UBE2O: variants seen among roughly 807,000 people sequenced by gnomAD.
UBE2O encodes ubiquitin conjugating enzyme E2 O.
Under a neutral mutation model 125.8 loss-of-function variants are expected in UBE2O, and 15 were observed. That is an observed-to-expected ratio of 0.12 (90% CI 0.08 to 0.18). The LOEUF is 0.18. Ranked by LOEUF, UBE2O falls within the 10% of genes least tolerant of loss-of-function variation. UBE2O has a pLI of 1.00. For synonymous variants in UBE2O, 708 were observed against 703.2 expected (o/e 1.01, Z -0.11); for missense variants, 1,280 against 1,723.6 (o/e 0.74, Z 4.56).
intron 1 of UBE2O, among the ~76,000 whole-genome samples, chr17:76,406,549 A>G (rs1246169937): frequency 6.6e-6 from 1 of 151,890 alleles, no homozygotes; most frequent in Non-Finnish European, 1.5e-5. Flanking sequence ...GCTCAAGGTC[A>G]CTTAAATGCT....
intron 1 of UBE2O, chr17:76,430,567 C>T (rs1185257261): frequency 1.5e-5 from 4 of 262,542 alleles, no homozygotes; most frequent in South Asian, 3.8e-5. Context: ...ATCAGATCCT[C>T]GATGCAGATG....
At chr17:76,429,541 C>CAAAAAAAAAAAAA (rs61081315) in intron 1 of UBE2O, among the ~76,000 whole-genome samples, 2 of 71,808 alleles carry the variant, frequency 2.8e-5, no homozygotes, top group African/African-American at 5.7e-5. Context: ...GACTCTGTCT[C>CAAAAAAAAAAAAA]AAAAAAAAAA....
intron 15 of UBE2O, among the ~76,000 whole-genome samples, chr17:76,394,940 A>G (rs1474046325): frequency 6.6e-6 from 1 of 151,318 alleles, no homozygotes; most frequent in African/African-American, 2.4e-5. Flanking sequence ...CAATGGTGCG[A>G]TCTTGGCTCA....
rs74588673 is a variant in UBE2O at position 76,445,738 on chromosome 17, A to G, written c.417+6987T>C. On this transcript the variant is annotated intron_variant, in intron 1 of 17. Transcript: ENST00000319380. Reference sequence around the variant, plus strand: ...TAAATCCAGAGAGTTATCCAGTAACACAATTCAATTTTATTCTCAACTACA... The same window carrying G: ...TAAATCCAGAGAGTTATCCAGTAACGCAATTCAATTTTATTCTCAACTACA... 4.3e-4 allele frequency among the ~76,000 whole-genome samples: 66 copies of G among 152,348 alleles called. No homozygotes were observed. In the East Asian group the frequency reaches 6.5e-3, roughly 15 times the overall value.
Position 76,399,282 on chromosome 17 carries a change from C to A in UBE2O, c.1628+167G>T. Reference sequence around the variant, plus strand: ...GCACCACTCCTCAGTCTCTGCTTTCCACCAGGGCCTACCCCAGGCACCTAC... The same window carrying A: ...GCACCACTCCTCAGTCTCTGCTTTCAACCAGGGCCTACCCCAGGCACCTAC... On this transcript the variant is annotated intron_variant, in intron 9 of 17. Coordinates refer to ENST00000319380, the MANE Select transcript of UBE2O (RefSeq NM_022066.4). This position sits in a 1 kb window ranked among gnomAD's most constrained non-coding sequence, Gnocchi z 6.9. The A allele has an allele frequency of 1.3e-6, 1 of 783,964 alleles. No individual in the cohort carries two copies. The highest frequency in any genetic ancestry group is 2.0e-6 in the Non-Finnish European group (1 of 494,660). The allele number at this position is 783,964 out of a possible 1,614,324, so 48.6% of individuals were successfully genotyped here.
rs754265766 is a variant in UBE2O, at chr17:76,396,468, G to A, written c.2469C>T (p.Ser823=). 1 of 1,614,082 alleles carries A rather than the reference G, an allele frequency of 6.2e-7. No homozygotes were observed. Among genetic ancestry groups the A allele is most frequent in the Admixed American group, 1.7e-5 (1 of 60,000 alleles). ...GCTGCTCCACAGTCATGTTCTTGAGGCTCTCCAGGATCTTGATGGCCTCTT... is the reference window on the plus strand; with the variant it reads ...GCTGCTCCACAGTCATGTTCTTGAGACTCTCCAGGATCTTGATGGCCTCTT... ...ELKEAIKILE[S]LKNMTVEQLL... The change falls in exon 14 of 18, where the codon AGC becomes AGT. Residue 823 remains serine, a synonymous_variant. Transcript: ENST00000319380. The surrounding 1 kb of genome is among the most constrained non-coding windows in gnomAD (Gnocchi z 6.7).
Position 76,395,114 on chromosome 17 carries a change from G to A in UBE2O, c.2946+611C>T, listed in dbSNP as rs2072181914. On this transcript the variant is annotated intron_variant, in intron 15 of 17. Coordinates refer to ENST00000319380, the MANE Select transcript of UBE2O (RefSeq NM_022066.4). This position sits in a 1 kb window ranked among gnomAD's most constrained non-coding sequence, Gnocchi z 5.0. Reference sequence around the variant, plus strand: ...TGGTCTCAAACTTCTGACCTCAGGTGATCCACCTGCCTCGGCTTCCCGAAG... The same window carrying A: ...TGGTCTCAAACTTCTGACCTCAGGTAATCCACCTGCCTCGGCTTCCCGAAG... Among the ~76,000 whole-genome samples, 1 of 152,118 alleles carries A rather than the reference G, an allele frequency of 6.6e-6. No individual in the cohort carries two copies. Among genetic ancestry groups the A allele is most frequent in the Admixed American group, 6.5e-5 (1 of 15,276 alleles).
At chr17:76,451,767 G>C (rs1404364016) in intron 1 of UBE2O, among the ~76,000 whole-genome samples, 1 of 140,272 alleles carries the variant, frequency 7.1e-6, no homozygotes, top group African/African-American at 2.8e-5. Flanking sequence ...GAAGGGGTGT[G>C]AGATACAGGG....
Position 76,391,429 on chromosome 17 carries a change from A to C in UBE2O, c.3393T>G (p.Phe1131Leu). 1 of 1,613,658 alleles carries C rather than the reference A, an allele frequency of 6.2e-7. No individual in the cohort carries two copies. The highest frequency in any genetic ancestry group is 8.5e-7 in the Non-Finnish European group (1 of 1,180,020). The change falls in exon 18 of 18, where the codon TTT becomes TTG. Residue 1131 changes from phenylalanine to leucine, a missense_variant. Around this residue, in one of 10 missense-constraint regions of UBE2O, gnomAD observed 233 missense variants for 279.0 expected, o/e 0.84. Coordinates refer to ENST00000319380, the MANE Select transcript of UBE2O (RefSeq NM_022066.4). The surrounding 1 kb of genome is among the most constrained non-coding windows in gnomAD (Gnocchi z 8.4). Reference protein sequence around the residue: ...EVFEQEIRQHFSTGGWRLVNR... With the variant: ...EVFEQEIRQHLSTGGWRLVNR... ...TCACCAGCCGCCAGCCACCAGTGCTAAAGTGTTGCCTGATCTCCTGCTCAA... is the reference window on the plus strand; with the variant it reads ...TCACCAGCCGCCAGCCACCAGTGCTCAAGTGTTGCCTGATCTCCTGCTCAA...
Position 76,404,407 on chromosome 17 carries a change from AG to A in UBE2O, c.588+798del, listed in dbSNP as rs2072382586. On this transcript the variant is annotated intron_variant, in intron 3 of 17. Transcript: ENST00000319380. The surrounding 1 kb of genome is among the most constrained non-coding windows in gnomAD (Gnocchi z 4.3). ...GCATGAGGCAACACCAGGAAGACCCAGGCTGAGGGTCAAATTACTGAATGTA... is the reference window on the plus strand; with the variant it reads ...GCATGAGGCAACACCAGGAAGACCCAGCTGAGGGTCAAATTACTGAATGTA... 6.6e-6 allele frequency among the ~76,000 whole-genome samples: 1 copy of A among 152,244 alleles called. No individual in the cohort carries two copies. The highest frequency in any genetic ancestry group is 1.5e-5 in the Non-Finnish European group (1 of 68,042).
In UBE2O at chr17:76,404,333, A is replaced by G. The variant is rs552981835; in HGVS notation, c.588+873T>C. Among the ~76,000 whole-genome samples the G allele has an allele frequency of 3.3e-4, 50 of 152,346 alleles. No individual in the cohort carries two copies. The highest frequency in any genetic ancestry group is 6.2e-4 in the South Asian group (3 of 4,830). ...AACCCCAGCACTTTGGCTATGGGGTACCATGAACCAGGGCAGAGCTCTGCG... is the reference window on the plus strand; with the variant it reads ...AACCCCAGCACTTTGGCTATGGGGTGCCATGAACCAGGGCAGAGCTCTGCG... On this transcript the variant is annotated intron_variant, in intron 3 of 17. Transcript: ENST00000319380. This position sits in a 1 kb window ranked among gnomAD's most constrained non-coding sequence, Gnocchi z 4.3.
chr17:76,414,554 C>T (rs936653057), intron 1 of UBE2O, among the ~76,000 whole-genome samples: 1 of 152,194 alleles, frequency 6.6e-6, no homozygotes, highest in African/African-American at 2.4e-5. Flanking sequence ...CCCCTGACAC[C>T]CTCTCTGATC....
At chr17:76,447,005 C>T (rs1598626178) in intron 1 of UBE2O, among the ~76,000 whole-genome samples, 1 of 152,220 alleles carries the variant, frequency 6.6e-6, no homozygotes, top group South Asian at 2.1e-4. Context: ...TCCCGTCCTG[C>T]TCCCTACCCA....
At chr17:76,423,591 G>A (rs2072744850) in intron 1 of UBE2O, among the ~76,000 whole-genome samples, 1 of 151,722 alleles carries the variant, frequency 6.6e-6, no homozygotes, top group South Asian at 2.1e-4. Flanking sequence ...TACTTGGGGG[G>A]CTGAGGCAGG....
chr17:76,398,547 T>C lies in UBE2O; in HGVS notation c.1821A>G (p.Val607=), dbSNP rs1029328642. 3.1e-6 allele frequency: 5 copies of C among 1,613,912 alleles called. No individual in the cohort carries two copies. The highest frequency in any genetic ancestry group is 4.2e-6 in the Non-Finnish European group (5 of 1,180,020). ...SCPDPAVYGV[V]QSGDHIGRTC... is the part of the protein sequence containing the mutation. ...TACGGCCGATGTGGTCCCCAGACTG[T>C]ACCACACCGTAGACAGCAGGGTCTG... Residue 607 remains valine (V), a synonymous_variant, in exon 11 of 18, where the codon GTA becomes GTG. Coordinates refer to ENST00000319380, the MANE Select transcript of UBE2O (RefSeq NM_022066.4). This position sits in a 1 kb window ranked among gnomAD's most constrained non-coding sequence, Gnocchi z 5.4.
intron 1 of UBE2O, among the ~76,000 whole-genome samples, chr17:76,422,713 G>T (rs1025062978): frequency 6.6e-6 from 1 of 152,166 alleles, no homozygotes; most frequent in Non-Finnish European, 1.5e-5. Context: ...GGGCTTCTCT[G>T]GCCACCCTGT....
intron 1 of UBE2O, among the ~76,000 whole-genome samples, chr17:76,449,288 A>C (rs1369249548): frequency 6.6e-6 from 1 of 152,256 alleles, no homozygotes; most frequent in Non-Finnish European, 1.5e-5. Flanking sequence ...AAAAAATTTC[A>C]ATGGGGCAAG....
At position 76,395,584 on chromosome 17, in the gene UBE2O, C is replaced by T. The variant is rs776730506; in HGVS notation, c.2946+141G>A. 4.7e-5 allele frequency: 46 copies of T among 972,764 alleles called. No individual in the cohort carries two copies. Among genetic ancestry groups the T allele is most frequent in the Non-Finnish European group, 5.6e-5 (37 of 658,682 alleles). The allele number at this position is 972,764 out of a possible 1,614,324, so 60.3% of individuals were successfully genotyped here. A position where few individuals can be genotyped will look rare whatever the true frequency, so the allele number is the denominator to read the frequency against. ...GCCCTCACCTGACTGAGCCTGTGACCGCCCCTGTAAAAGGTGGGTGGGTGA... is the reference window on the plus strand; with the variant it reads ...GCCCTCACCTGACTGAGCCTGTGACTGCCCCTGTAAAAGGTGGGTGGGTGA... On this transcript the variant is annotated intron_variant, in intron 15 of 17. Coordinates refer to ENST00000319380, the MANE Select transcript of UBE2O (RefSeq NM_022066.4). The surrounding 1 kb of genome is among the most constrained non-coding windows in gnomAD (Gnocchi z 5.0).
intron 1 of UBE2O, among the ~76,000 whole-genome samples, chr17:76,429,520 T>A (rs2072868232): frequency 8.2e-6 from 1 of 121,252 alleles, no homozygotes; most frequent in African/African-American, 3.3e-5. Context: ...CCAGCCTGGG[T>A]GACAGAGTGA....
Sources: allele counts gnomAD v4.1 joint callset (sites outside exome capture counted in the v4.1 genomes callset), GRCh38; gene constraint gnomAD v4.1.1; regional missense constraint gnomAD v4.1.1; non-coding constraint Gnocchi (gnomAD v3.1); transcripts MANE v1.5; gene names NCBI Gene and HGNC (gene_info 2026-07-23, HGNC 2026-07-21).